The following RGS6 variants were observed in gnomAD, a reference collection of about 807,000 sequenced individuals.
RGS6 encodes regulator of G-protein signaling 6.
In RGS6, 30 loss-of-function variants were observed where a neutral mutation model predicts 78.5. That is an observed-to-expected ratio of 0.38 (90% confidence interval 0.29 to 0.52). The LOEUF (loss-of-function observed/expected upper bound fraction) is 0.52. Ranked by LOEUF, RGS6 falls within the 20% of genes least tolerant of loss-of-function variation. RGS6 has a pLI of 0.85. For missense variants in RGS6, 495 were observed against 609.7 expected (o/e 0.81, Z 1.98); for synonymous variants, 206 against 206.0 (o/e 1.00, Z 0.00).
chr14:72,488,314 G>A (rs1399094650), intron 12 of RGS6, among the ~76,000 whole-genome samples: 1 of 152,118 alleles, frequency 6.6e-6, no homozygotes, highest in African/African-American at 2.4e-5. Flanking sequence ...ACCTTTTTTA[G>A]AGAAGGCATG....
chr14:72,210,694 C>T (rs905726734), intron 2 of RGS6, among the ~76,000 whole-genome samples: 2 of 152,144 alleles, frequency 1.3e-5, no homozygotes, highest in Non-Finnish European at 2.9e-5. Context: ...AATTGATCTA[C>T]CTGGTCTTCT....
At chr14:72,462,016 T>C (rs2095795385) in intron 6 of RGS6, among the ~76,000 whole-genome samples, 1 of 152,142 alleles carries the variant, frequency 6.6e-6, no homozygotes, top group South Asian at 2.1e-4. Flanking sequence ...TTGGTTGATA[T>C]TATTATGACT....
At chr14:72,109,362 A>G (rs1017101049) in intron 2 of RGS6, among the ~76,000 whole-genome samples, 20 of 152,200 alleles carry the variant, frequency 1.3e-4, no homozygotes, top group African/African-American at 4.8e-4. Flanking sequence ...GTCTTTCGAC[A>G]TGTAGGGATT....
At chr14:71,871,124 A>G in the RGS6 span, among the ~76,000 whole-genome samples, 7 of 152,208 alleles carry the variant, frequency 4.6e-5, no homozygotes, top group Non-Finnish European at 1.0e-4. Flanking sequence ...CCCTGTTCCC[A>G]TAGACTGAGC....
intron 4 of RGS6, among the ~76,000 whole-genome samples, chr14:72,457,140 A>G (rs1345960432): frequency 1.3e-5 from 2 of 151,962 alleles, no homozygotes; most frequent in East Asian, 3.9e-4. Flanking sequence ...AGCAAGTAAA[A>G]TAAAACTCTA....
chr14:72,512,638 G>A (rs144532630), intron 14 of RGS6, among the ~76,000 whole-genome samples: 154 of 152,326 alleles, frequency 1.0e-3, no homozygotes, highest in African/African-American at 3.5e-3. Context: ...GAATAGCAGG[G>A]AGGAAAAGGA....
intron 2 of RGS6, among the ~76,000 whole-genome samples, chr14:72,348,186 A>C (rs1183256498): frequency 6.6e-6 from 1 of 152,124 alleles, no homozygotes; most frequent in African/African-American, 2.4e-5. Flanking sequence ...TTTGTAACCA[A>C]GGTTTTCTAA....
At chr14:71,872,473 A>G in the RGS6 span, among the ~76,000 whole-genome samples, 5 of 152,142 alleles carry the variant, frequency 3.3e-5, no homozygotes, top group African/African-American at 9.7e-5. Context: ...ACTAGCTGCT[A>G]TGGATACTTG....
chr14:72,112,570 G>A (rs867031851), intron 2 of RGS6, among the ~76,000 whole-genome samples: 1 of 152,148 alleles, frequency 6.6e-6, no homozygotes, highest in Non-Finnish European at 1.5e-5. Flanking sequence ...ATGGTCCAAC[G>A]ATAATTACAA....
the RGS6 span, among the ~76,000 whole-genome samples, chr14:72,595,368 A>T: frequency 6.6e-6 from 1 of 152,132 alleles, no homozygotes; most frequent in Non-Finnish European, 1.5e-5. Flanking sequence ...CTGGAACTCA[A>T]AGGTAAGATG....
intron 17 of RGS6, among the ~76,000 whole-genome samples, chr14:72,560,317 T>C (rs766758164): frequency 2.4e-4 from 36 of 152,316 alleles, no homozygotes; most frequent in Admixed American, 6.5e-4. Context: ...GTGCCTTTCA[T>C]AGGACAGGGA....
chr14:72,369,344 C>T (rs2083009358), intron 3 of RGS6, among the ~76,000 whole-genome samples: 1 of 152,200 alleles, frequency 6.6e-6, no homozygotes, highest in Admixed American at 6.5e-5. Context: ...TCCTTAGCAC[C>T]TCCAGAGCAA....
Position 72,326,584 on chromosome 14 carries a change from G to A in RGS6, c.85-25511G>A, listed in dbSNP as rs144050821. Among the ~76,000 whole-genome samples the A allele has an allele frequency of 5.0e-3, 756 of 152,206 alleles. 6 individuals carry two copies. The highest frequency in any genetic ancestry group is 0.018 in the African/African-American group (732 of 41,534). On this transcript the variant is annotated intron_variant, in intron 2 of 17. Coordinates refer to ENST00000553525, the MANE Select transcript of RGS6 (RefSeq NM_001204424.2). ...TACCTGCTACCCGTTTGCCTTCTGC[G>A]GTGACTGTAAGCTTCCTGAGGCCTC... is the stretch of plus-strand genomic sequence containing the variant.
intron 2 of RGS6, among the ~76,000 whole-genome samples, chr14:72,013,107 C>A (rs1169353165): frequency 6.6e-6 from 1 of 151,762 alleles, no homozygotes; most frequent in Non-Finnish European, 1.5e-5. Context: ...CCCATCTCTA[C>A]TAAAAATACA....
chr14:72,285,929 G>A (rs1208062749), intron 2 of RGS6, among the ~76,000 whole-genome samples: 1 of 152,160 alleles, frequency 6.6e-6, no homozygotes, highest in Non-Finnish European at 1.5e-5. Flanking sequence ...TGTCAGATAT[G>A]TGGTTTGTGA....
In RGS6 at chr14:72,056,406, G is replaced by A. The variant is rs79578154; in HGVS notation, c.84+91531G>A. 1.4e-4 allele frequency among the ~76,000 whole-genome samples: 21 copies of A among 152,228 alleles called. No homozygotes were observed. The East Asian group carries it at 4.1e-3, about 29-fold the overall frequency. ...GACTTTCTCTCCTCATCAAAAAACAGCCTTTAATCTCCTACCCAAATCCAC... is the reference window on the plus strand; with the variant it reads ...GACTTTCTCTCCTCATCAAAAAACAACCTTTAATCTCCTACCCAAATCCAC... On this transcript the variant is annotated intron_variant, in intron 2 of 17. Transcript: ENST00000553525.
chr14:72,509,292 C>T (rs999672471), intron 13 of RGS6, among the ~76,000 whole-genome samples: 41 of 149,898 alleles, frequency 2.7e-4, no homozygotes, highest in African/African-American at 7.6e-4. Context: ...TTGAACCCGG[C>T]GGGCAGAGGT....
chr14:72,276,747 A>G (rs1013668154), intron 2 of RGS6, among the ~76,000 whole-genome samples: 1 of 152,088 alleles, frequency 6.6e-6, no homozygotes, highest in Non-Finnish European at 1.5e-5. Context: ...TTCCACCATG[A>G]TTGTCAGGCC....
At chr14:72,622,804 G>C in the RGS6 span, among the ~76,000 whole-genome samples, 1 of 152,032 alleles carries the variant, frequency 6.6e-6, no homozygotes, top group Non-Finnish European at 1.5e-5. Flanking sequence ...GATATCCAGG[G>C]TAAATCCCTG....
Sources: allele counts gnomAD v4.1 joint callset (sites outside exome capture counted in the v4.1 genomes callset), GRCh38; gene constraint gnomAD v4.1.1; transcripts MANE v1.5; gene names NCBI Gene and HGNC (gene_info 2026-07-23, HGNC 2026-07-21).